Variants in COL14A1 observed in about 807,000 individuals in gnomAD.
The protein encoded by COL14A1 is collagen alpha-1(XIV) chain.
In COL14A1, 136 loss-of-function variants were observed where a neutral mutation model predicts 230.3. That is an observed-to-expected ratio of 0.59 (90% CI 0.51 to 0.68). COL14A1 has a LOEUF of 0.68. COL14A1 is among the 30% of genes least tolerant of loss of function. The pLI is 0.00. For synonymous variants in COL14A1, 792 were observed against 784.1 expected (o/e 1.01, Z -0.17); for missense variants, 1,976 against 2,215.8 (o/e 0.89, Z 2.17).
intron 36 of COL14A1, among the ~76,000 whole-genome samples, chr8:120,306,961 A>G (rs942356766): frequency 1.3e-5 from 2 of 152,216 alleles, no homozygotes; most frequent in African/African-American, 2.4e-5. Flanking sequence ...GCTGCGAGAA[A>G]CAGAAAATTT....
At chr8:120,367,091 T>A (rs572017013) in intron 45 of COL14A1, 80 bp from the exon 46 acceptor site, 1 of 1,192,246 alleles carries the variant, frequency 8.4e-7, no homozygotes, top group Non-Finnish European at 1.2e-6. Flanking sequence ...GAGAAGCACT[T>A]TCGAACTCCA....
rs756274205 is a variant in COL14A1, at chr8:120,243,996, C to T, written c.2467C>T (p.Pro823Ser). The T allele has an allele frequency of 6.2e-7, 1 of 1,610,922 alleles. No individual in the cohort carries two copies. The highest frequency in any genetic ancestry group is 8.5e-7 in the Non-Finnish European group (1 of 1,178,810). Reference sequence around the variant, plus strand: ...TGGCGAAGGCGTCAGCGTCTCCGCTCCTGGAAAAACCTGTAAGTGAAGCTT... The same window carrying T: ...TGGCGAAGGCGTCAGCGTCTCCGCTTCTGGAAAAACCTGTAAGTGAAGCTT... ...TDGEGVSVSA[P>S]GKTLPSSGPQ... The change falls in exon 20 of 48, where the codon CCT becomes TCT. Residue 823 changes from proline (P) to serine (S), a missense_variant. Pro to Ser is a moderately conservative substitution (Grantham distance 74). Transcript: ENST00000297848.
intron 21 of COL14A1, among the ~76,000 whole-genome samples, chr8:120,248,945 A>G (rs1319662637): frequency 5.7e-5 from 1 of 17,536 alleles, no homozygotes; most frequent in African/African-American, 5.0e-4. Context: ...TTTTTTTTTG[A>G]GACGGAGTCT....
At chr8:120,272,720 A>G (rs1481898774) in intron 26 of COL14A1, among the ~76,000 whole-genome samples, 1 of 151,840 alleles carries the variant, frequency 6.6e-6, no homozygotes, top group African/African-American at 2.4e-5. Flanking sequence ...ATATAATGAT[A>G]AAAGGATTGA....
intron 1 of COL14A1, among the ~76,000 whole-genome samples, chr8:120,143,635 A>C (rs1408682457): frequency 6.6e-6 from 1 of 152,146 alleles, no homozygotes. Context: ...CATCTCAAAA[A>C]ACAAAAACAA....
intron 14 of COL14A1, among the ~76,000 whole-genome samples, chr8:120,220,432 C>G (rs1437480764): frequency 6.6e-6 from 1 of 151,976 alleles, no homozygotes; most frequent in Non-Finnish European, 1.5e-5. Context: ...CACCACCACG[C>G]CCAGCTAATT....
In COL14A1 at chr8:120,197,068, C is replaced by T; in HGVS notation, c.592+122C>T. The T allele has an allele frequency of 3.5e-6, 3 of 845,782 alleles. No individual in the cohort carries two copies. The South Asian group carries it at 5.5e-5, about 16-fold the overall frequency. The allele number at this position is 845,782 out of a possible 1,614,324, so 52.4% of individuals were successfully genotyped here. ...TCAGGATTGCAGGATACTCATGGTCCCCTAAAGTACATGTTTGGATCAATA... is the reference window on the plus strand; with the variant it reads ...TCAGGATTGCAGGATACTCATGGTCTCCTAAAGTACATGTTTGGATCAATA... On this transcript the variant is annotated intron_variant, in intron 6 of 47. Coordinates refer to ENST00000297848, the MANE Select transcript of COL14A1 (RefSeq NM_021110.4).
At chr8:120,196,988 C>A in intron 6 of COL14A1, 42 bp downstream of exon 6, 3 of 1,584,182 alleles carry the variant, frequency 1.9e-6, no homozygotes, top group South Asian at 1.1e-5. Flanking sequence ...GTTGTCAGTG[C>A]AAAACTGCTG....
chr8:120,309,484 G>GCTATTAAATAATCTAGA (rs1469312699), intron 36 of COL14A1, among the ~76,000 whole-genome samples: 2 of 151,962 alleles, frequency 1.3e-5, no homozygotes, highest in Non-Finnish European at 2.9e-5. Flanking sequence ...AAAGAAAACT[G>GCTATTAAATAATCTAGA]CTATTAAATA....
rs187786874 is a variant in COL14A1 at position 120,282,261 on chromosome 8, C to T, written c.3824+1202C>T. ...AAAAAAGCCTTATTCTTGTTTCTAT[C>T]TCTGGATCCCCAGCAAATTAGATGG... On this transcript the variant is annotated intron_variant, in intron 31 of 47. Coordinates refer to ENST00000297848, the MANE Select transcript of COL14A1 (RefSeq NM_021110.4). Among the ~76,000 whole-genome samples, 478 of 152,326 alleles carry T rather than the reference C, an allele frequency of 3.1e-3. 1 individual carries two copies. The highest frequency in any genetic ancestry group is 0.01 in the African/African-American group (435 of 41,578).
chr8:120,354,754 A>G (rs1042415694), intron 45 of COL14A1, among the ~76,000 whole-genome samples: 2 of 152,206 alleles, frequency 1.3e-5, no homozygotes, highest in South Asian at 4.1e-4. Flanking sequence ...ATGTTGTTCA[A>G]GTTTTCTATC....
intron 40 of COL14A1, among the ~76,000 whole-genome samples, chr8:120,320,384 A>G (rs557043031): frequency 1.3e-5 from 2 of 152,292 alleles, no homozygotes; most frequent in East Asian, 3.9e-4. Flanking sequence ...AAGCAAGTTA[A>G]AAATTTTTTT....
At chr8:120,318,134 A>G (rs1024335410) in intron 40 of COL14A1, among the ~76,000 whole-genome samples, 1 of 152,224 alleles carries the variant, frequency 6.6e-6, no homozygotes, top group African/African-American at 2.4e-5. Context: ...ATTGTGTAAC[A>G]TGGCTGCCTT....
chr8:120,174,326 CTG>C (rs1381493625), intron 5 of COL14A1, among the ~76,000 whole-genome samples: 8 of 151,716 alleles, frequency 5.3e-5, no homozygotes, highest in Non-Finnish European at 7.4e-5. Context: ...GTGGAAGCCT[CTG>C]TGGATTAGAG....
intron 42 of COL14A1, among the ~76,000 whole-genome samples, chr8:120,333,685 C>T (rs1034664238): frequency 5.3e-5 from 8 of 152,134 alleles, no homozygotes; most frequent in Non-Finnish European, 5.9e-5. Flanking sequence ...AGAAGTCTGG[C>T]GCAGATCTCA....
Position 120,289,732 on chromosome 8 carries a change from T to A in COL14A1, c.4202T>A (p.Val1401Asp), listed in dbSNP as rs1393855023. 3 of 1,613,766 alleles carry A rather than the reference T, an allele frequency of 1.9e-6. No individual in the cohort carries two copies. The highest frequency in any genetic ancestry group is 2.5e-6 in the Non-Finnish European group (3 of 1,179,910). Residue 1401 changes from valine (V) to aspartate (D), a missense_variant, in exon 34 of 48, where the codon GTT (valine) becomes GAT (aspartate). This residue lies in a region of COL14A1 where 1,791 missense variants were observed against 2,019.5 expected (regional missense o/e 0.89). Coordinates refer to ENST00000297848, the MANE Select transcript of COL14A1 (RefSeq NM_021110.4). Reference protein sequence around the residue: ...SDGVEVLGKMVRSRGPGGNSA... With the variant: ...SDGVEVLGKMDRSRGPGGNSA... ...GGTGTAGAAGTGCTAGGGAAAATGG[T>A]TCGATCAAGAGGACCAGGTGGAAAC...
chr8:120,307,034 T>C (rs1352566250), intron 36 of COL14A1, among the ~76,000 whole-genome samples: 1 of 152,066 alleles, frequency 6.6e-6, no homozygotes, highest in Non-Finnish European at 1.5e-5. Flanking sequence ...CAATAGAAGA[T>C]TTAGAGGGAG....
intron 1 of COL14A1, among the ~76,000 whole-genome samples, chr8:120,125,605 C>T (rs1814302519): frequency 6.6e-6 from 1 of 152,038 alleles, no homozygotes; most frequent in African/African-American, 2.4e-5. Context: ...ATGTGCTGCT[C>T]CGGGAAGCTT....
intron 42 of COL14A1, among the ~76,000 whole-genome samples, chr8:120,335,196 G>A (rs117852445): frequency 0.027 from 4,156 of 152,298 alleles, 79 homozygotes; most frequent in Non-Finnish European, 0.037. Flanking sequence ...AACTATGATA[G>A]CACCCTGCTC....
Sources: allele counts gnomAD v4.1 joint callset (sites outside exome capture counted in the v4.1 genomes callset), GRCh38; gene constraint gnomAD v4.1.1; regional missense constraint gnomAD v4.1.1; transcripts MANE v1.5; gene names NCBI Gene and HGNC (gene_info 2026-07-23, HGNC 2026-07-21).